GNB5: variants seen among roughly 807,000 people sequenced by gnomAD.
GNB5 encodes the protein G protein subunit beta 5.
In GNB5, 37 loss-of-function variants were observed where a neutral mutation model predicts 55.3. The observed-to-expected ratio is 0.67, with a 90% CI of 0.51 to 0.88. The LOEUF is 0.88. GNB5 is among the 40% of genes least tolerant of loss of function. The pLI is 0.00. For missense variants in GNB5, 476 were observed against 515.3 expected (o/e 0.92, Z 0.74); for synonymous variants, 219 against 198.5 (o/e 1.10, Z -0.87).
At chr15:52,174,948 GGT>G (rs1239404683) in intron 3 of GNB5, among the ~76,000 whole-genome samples, 1 of 152,134 alleles carries the variant, frequency 6.6e-6, no homozygotes, top group Non-Finnish European at 1.5e-5. Context: ...TGGGCGAGAT[GGT>G]GTGTGCCTGC....
chr15:52,169,360 A>G (rs1432004973), intron 3 of GNB5, among the ~76,000 whole-genome samples: 3 of 151,516 alleles, frequency 2.0e-5, no homozygotes, highest in African/African-American at 7.3e-5. Context: ...AACATGGTGA[A>G]ACCCCGTCTC....
At chr15:52,151,325 C>T (rs1431159201) in intron 4 of GNB5, among the ~76,000 whole-genome samples, 1 of 152,190 alleles carries the variant, frequency 6.6e-6, no homozygotes, top group African/African-American at 2.4e-5. Flanking sequence ...TCACTGCCTG[C>T]CTGTCCCCCA....
At chr15:52,125,537 T>A (rs2033401603) in intron 11 of GNB5, 1 of 155,378 alleles carries the variant, frequency 6.4e-6, no homozygotes, top group Non-Finnish European at 1.4e-5. Flanking sequence ...TGTCTCGGCC[T>A]CCCAAAGTGC....
intron 6 of GNB5, among the ~76,000 whole-genome samples, chr15:52,143,390 T>C (rs2033900930): frequency 6.6e-6 from 1 of 152,220 alleles, no homozygotes; most frequent in Admixed American, 6.5e-5. Flanking sequence ...ATCTCTGCTT[T>C]AGTACCTAAC....
At position 52,119,616 on chromosome 15, in the gene GNB5, G is replaced by A. The variant is rs1367060850; in HGVS notation, c.*3141C>T. 2 of 152,146 alleles carry A rather than the reference G, an allele frequency of 1.3e-5. No individual in the cohort carries two copies. The highest frequency in any genetic ancestry group is 4.8e-5 in the African/African-American group (2 of 41,352). The allele number at this position is 152,146 out of a possible 1,614,324, so 9.4% of individuals were successfully genotyped here. On this transcript the variant is annotated 3_prime_UTR_variant, in exon 13 of 13. Coordinates refer to ENST00000261837, the MANE Select transcript of GNB5 (RefSeq NM_016194.4). ...GAGAAGCTGGGAACTAACCCTTCCT[G>A]AAGATGTGCTAAAGGCTGAGGTAGG...
intron 8 of GNB5, among the ~76,000 whole-genome samples, chr15:52,134,991 C>T (rs1596062295): frequency 6.6e-6 from 1 of 151,992 alleles, no homozygotes; most frequent in Non-Finnish European, 1.5e-5. Flanking sequence ...ATGCGACTTA[C>T]AGTCAGGTAG....
chr15:52,137,846 T>A (rs2033760308), intron 7 of GNB5: 1 of 1,285,628 alleles, frequency 7.8e-7, no homozygotes, highest in Non-Finnish European at 1.0e-6. Flanking sequence ...GCCTTCTGGC[T>A]GCTCCACAGG....
intron 3 of GNB5, among the ~76,000 whole-genome samples, chr15:52,168,557 G>A (rs2034494224): frequency 6.6e-6 from 1 of 152,142 alleles, no homozygotes; most frequent in South Asian, 2.1e-4. Context: ...GTAATTTATA[G>A]ATTCAATGCG....
chr15:52,168,773 C>T (rs781346176), intron 3 of GNB5, among the ~76,000 whole-genome samples: 2 of 152,096 alleles, frequency 1.3e-5, no homozygotes, highest in Non-Finnish European at 2.9e-5. Context: ...AAAACAGACA[C>T]ACAGACCAAT....
intron 3 of GNB5, among the ~76,000 whole-genome samples, chr15:52,158,879 G>A (rs2034271859): frequency 1.3e-5 from 2 of 152,142 alleles, no homozygotes; most frequent in South Asian, 2.1e-4. Flanking sequence ...GGGAAGAGAT[G>A]GAGCCATAAT....
chr15:52,163,281 A>G (rs1307393636), intron 3 of GNB5, among the ~76,000 whole-genome samples: 2 of 152,212 alleles, frequency 1.3e-5, no homozygotes, highest in African/African-American at 4.8e-5. Context: ...ACGGAGACCC[A>G]GGAGTTTTCG....
At chr15:52,188,189 C>T (rs901445396) in intron 1 of GNB5, among the ~76,000 whole-genome samples, 1 of 152,030 alleles carries the variant, frequency 6.6e-6, no homozygotes, top group African/African-American at 2.4e-5. Context: ...TACTGGAAAA[C>T]ACCATTTTTT....
chr15:52,139,731 C>G, intron 7 of GNB5: 1 of 1,099,364 alleles, frequency 9.1e-7, no homozygotes, highest in Non-Finnish European at 1.2e-6. Flanking sequence ...CCTCCCAGGC[C>G]GCGTCCCCGC....
intron 11 of GNB5, 140 bp from the exon 12 acceptor site, chr15:52,124,779 A>G (rs1196587889): frequency 3.0e-6 from 2 of 676,200 alleles, no homozygotes; most frequent in Non-Finnish European, 2.6e-6. Context: ...TCAAGGATTC[A>G]AAGGGGAGAA....
rs56783306 is a variant in GNB5, at chr15:52,153,875, C to T, written c.375+65G>A. The T allele has an allele frequency of 3.9e-3, 4,472 of 1,145,390 alleles. 124 individuals are homozygous for T. The African/African-American group carries it at 0.062, about 16-fold the overall frequency. The allele number at this position is 1,145,390 out of a possible 1,614,324, so 71.0% of individuals were successfully genotyped here. A position where few individuals can be genotyped will look rare whatever the true frequency, so the allele number is the denominator to read the frequency against. On this transcript the variant is annotated intron_variant, in intron 4 of 12. Coordinates refer to ENST00000261837, the MANE Select transcript of GNB5 (RefSeq NM_016194.4). Reference sequence around the variant, plus strand: ...GAAAAGGGCTTTTGGAAAGGGACAGCTCTCCTCCCCCTTAGCTATAAAATC... The same window carrying T: ...GAAAAGGGCTTTTGGAAAGGGACAGTTCTCCTCCCCCTTAGCTATAAAATC...
chr15:52,181,506 C>T lies in GNB5; in HGVS notation c.127-1627G>A, dbSNP rs142015065. On this transcript the variant is annotated intron_variant, in intron 2 of 12. Coordinates refer to ENST00000261837, the MANE Select transcript of GNB5 (RefSeq NM_016194.4). ...TGGTACGTGCCTGTAACCTCAGCTA[C>T]TCAGGAGGCTGAGGCACGAGAATCG... is the stretch of plus-strand genomic sequence containing the variant. Among the ~76,000 whole-genome samples, 507 of 152,264 alleles carry T rather than the reference C, an allele frequency of 3.3e-3. 1 individual carries two copies. Among genetic ancestry groups the T allele is most frequent in the Middle Eastern group, 0.017 (5 of 294 alleles).
rs1194705276 is a variant in GNB5 at position 52,118,921 on chromosome 15, G to A, written c.*3836C>T. 1 of 147,542 alleles carries A rather than the reference G, an allele frequency of 6.8e-6. No individual in the cohort carries two copies. The highest frequency in any genetic ancestry group is 1.5e-5 in the Non-Finnish European group (1 of 67,162). The allele number at this position is 147,542 out of a possible 1,614,324, so 9.1% of individuals were successfully genotyped here. A position where few individuals can be genotyped will look rare whatever the true frequency, so the allele number is the denominator to read the frequency against. ...CAGAGATCCTAAGACCAAAAAGTTTGAGAACCACTAGCCCAGACGAAGCTC... is the reference window on the plus strand; with the variant it reads ...CAGAGATCCTAAGACCAAAAAGTTTAAGAACCACTAGCCCAGACGAAGCTC... On this transcript the variant is annotated 3_prime_UTR_variant, in exon 13 of 13. Coordinates refer to ENST00000261837, the MANE Select transcript of GNB5 (RefSeq NM_016194.4).
chr15:52,119,889 T>C lies in GNB5; in HGVS notation c.*2868A>G, dbSNP rs1043190639. On this transcript the variant is annotated 3_prime_UTR_variant, in exon 13 of 13. Coordinates refer to ENST00000261837, the MANE Select transcript of GNB5 (RefSeq NM_016194.4). ...CAAAGGCCCTTACAACCCTGTGCTG[T>C]TTTAAGCCACTTATAACCTAGAGAA... is the stretch of plus-strand genomic sequence containing the variant. The C allele has an allele frequency of 2.6e-5, 4 of 152,050 alleles. No homozygotes were observed. The highest frequency in any genetic ancestry group is 9.7e-5 in the African/African-American group (4 of 41,370). 9.4% of individuals were successfully genotyped at this position (152,050 alleles called of 1,614,324 possible). A position where few individuals can be genotyped will look rare whatever the true frequency, so the allele number is the denominator to read the frequency against.
intron 9 of GNB5, among the ~76,000 whole-genome samples, chr15:52,131,155 G>A (rs1016217620): frequency 6.6e-5 from 10 of 152,072 alleles, no homozygotes; most frequent in African/African-American, 2.2e-4. Context: ...CTGTACATTG[G>A]CCCTCCATAG....
Sources: gnomAD v4.1 joint callset for allele counts (sites outside exome capture counted in the v4.1 genomes callset) on GRCh38, gnomAD v4.1.1 for gene constraint, MANE v1.5 for transcripts, NCBI Gene and HGNC (gene_info 2026-07-23, HGNC 2026-07-21) for gene names.